IMMP2L: variants seen among roughly 807,000 people sequenced by gnomAD.
IMMP2L encodes the protein inner mitochondrial membrane peptidase subunit 2, also known as mitochondrial inner membrane protease subunit 2.
IMMP2L carries 18 observed loss-of-function variants against 19.3 expected under a neutral mutation model. The ratio of observed to expected loss-of-function variants is 0.93; its 90% confidence interval spans 0.64 to 1.38. The LOEUF (loss-of-function observed/expected upper bound fraction) is 1.38. Ranked by LOEUF, IMMP2L falls within the 40% of genes most tolerant of loss-of-function variation. The pLI is 0.00. For missense variants in IMMP2L, 233 were observed against 218.2 expected, an observed-to-expected ratio of 1.07 and a Z score of -0.43; for synonymous variants, 76 against 73.0, an observed-to-expected ratio of 1.04 and a Z score of -0.21.
At chr7:111,119,963 G>A (rs1343562942) in intron 3 of IMMP2L, among the ~76,000 whole-genome samples, 2 of 152,158 alleles carry the variant, frequency 1.3e-5, no homozygotes, top group East Asian at 3.9e-4. Flanking sequence ...TTCTTGAACT[G>A]AGGTTTGAAA....
intron 5 of IMMP2L, among the ~76,000 whole-genome samples, chr7:110,885,312 G>C (rs1398914974): frequency 2.0e-5 from 3 of 151,632 alleles, no homozygotes; most frequent in Non-Finnish European, 4.4e-5. Context: ...AAGAATTTTG[G>C]AGCATTTCAG....
At chr7:111,278,877 G>T (rs1489026924) in intron 3 of IMMP2L, among the ~76,000 whole-genome samples, 2 of 151,960 alleles carry the variant, frequency 1.3e-5, no homozygotes, top group East Asian at 3.9e-4. Context: ...CAACTTTTAA[G>T]ATATCTTGTT....
chr7:110,752,367 G>T (rs571117586), intron 5 of IMMP2L, among the ~76,000 whole-genome samples: 43 of 151,894 alleles, frequency 2.8e-4, no homozygotes, highest in Admixed American at 5.9e-4. Context: ...AATGATCATA[G>T]AATTTTTGGT....
intron 3 of IMMP2L, among the ~76,000 whole-genome samples, chr7:111,147,900 G>A (rs1803653415): frequency 6.6e-6 from 1 of 152,102 alleles, no homozygotes; most frequent in Non-Finnish European, 1.5e-5. Flanking sequence ...GCTAAGAACA[G>A]TGAGCTTTCT....
intron 4 of IMMP2L, chr7:110,962,583 A>C (rs1819068972): frequency 3.8e-6 from 1 of 261,016 alleles, no homozygotes; most frequent in Non-Finnish European, 6.0e-6. Flanking sequence ...AGAGAATGAG[A>C]GTGAAAAACG....
At chr7:111,146,712 AT>A (rs1803516561) in intron 3 of IMMP2L, among the ~76,000 whole-genome samples, 1 of 152,130 alleles carries the variant, frequency 6.6e-6, no homozygotes, top group Admixed American at 6.6e-5. Flanking sequence ...TGTTAAAAAA[AT>A]ATTTATTAAG....
intron 5 of IMMP2L, among the ~76,000 whole-genome samples, chr7:110,807,137 C>A (rs747610452): frequency 4.0e-5 from 6 of 151,892 alleles, no homozygotes; most frequent in Non-Finnish European, 7.4e-5. Context: ...TAGGTTAAAA[C>A]CTAATATGCT....
rs1465243160 is a variant in IMMP2L at position 110,949,597 on chromosome 7, T to C, written c.305+13903A>G. On this transcript the variant is annotated intron_variant, in intron 4 of 5. Coordinates refer to ENST00000405709, the MANE Select transcript of IMMP2L (RefSeq NM_032549.4). ...TAAACTTTTATTGGGAATTTATTTATTTTATGTGTTGCCTATGGTTGTTTT... is the reference window on the plus strand; with the variant it reads ...TAAACTTTTATTGGGAATTTATTTACTTTATGTGTTGCCTATGGTTGTTTT... Among the ~76,000 whole-genome samples, 4 of 152,320 alleles carry C rather than the reference T, an allele frequency of 2.6e-5. No homozygotes were observed. The East Asian group carries it at 7.7e-4, about 29-fold the overall frequency.
chr7:110,735,988 C>A (rs1489480815), intron 5 of IMMP2L, among the ~76,000 whole-genome samples: 1 of 151,990 alleles, frequency 6.6e-6, no homozygotes, highest in African/African-American at 2.4e-5. Context: ...GCCCAGGGCT[C>A]CTGTGTGAAA....
intron 3 of IMMP2L, among the ~76,000 whole-genome samples, chr7:111,073,658 A>C (rs1393019814): frequency 5.3e-5 from 8 of 152,142 alleles, no homozygotes; most frequent in Admixed American, 2.6e-4. Context: ...AACTTTGAGT[A>C]CATTTTTAGG....
Position 111,009,802 on chromosome 7 carries a change from G to A in IMMP2L, c.240-46237C>T, listed in dbSNP as rs1824731885. Among the ~76,000 whole-genome samples the A allele has an allele frequency of 2.0e-5, 3 of 152,226 alleles. No individual in the cohort carries two copies. In the East Asian group the frequency reaches 5.8e-4, roughly 29 times the overall value. On this transcript the variant is annotated intron_variant, in intron 3 of 5. Transcript: ENST00000405709. ...TTGGAAAATGGATTTTGGGTTCTCT[G>A]AGTAGAAGCTGAAAAATAAATGCTG... is the stretch of plus-strand genomic sequence containing the variant.
chr7:111,348,761 C>T (rs576788717), intron 3 of IMMP2L, among the ~76,000 whole-genome samples: 94 of 152,114 alleles, frequency 6.2e-4, no homozygotes, highest in African/African-American at 8.4e-4. Context: ...ATAGGTCCCT[C>T]GATGCTCTCC....
intron 3 of IMMP2L, among the ~76,000 whole-genome samples, chr7:111,234,717 A>G (rs1255507122): frequency 6.6e-6 from 1 of 151,962 alleles, no homozygotes; most frequent in African/African-American, 2.4e-5. Context: ...CTTATTAGCT[A>G]TAATTCTTTT....
intron 4 of IMMP2L, among the ~76,000 whole-genome samples, chr7:110,954,110 T>C (rs1818133858): frequency 6.6e-6 from 1 of 152,108 alleles, no homozygotes; most frequent in Admixed American, 6.6e-5. Flanking sequence ...AGACCTTTTC[T>C]TTTTATGTTT....
chr7:111,356,537 A>G (rs1828717559), intron 3 of IMMP2L, among the ~76,000 whole-genome samples: 1 of 152,150 alleles, frequency 6.6e-6, no homozygotes, highest in Admixed American at 6.6e-5. Context: ...TCACAGATAC[A>G]GAGGAATGAC....
intron 3 of IMMP2L, among the ~76,000 whole-genome samples, chr7:111,428,091 C>A (rs1836263983): frequency 6.6e-6 from 1 of 151,806 alleles, no homozygotes; most frequent in African/African-American, 2.4e-5. Context: ...GTCCTGTCAG[C>A]AGATTGAGTG....
chr7:111,403,259 C>G (rs1007445062), intron 3 of IMMP2L, among the ~76,000 whole-genome samples: 1 of 151,748 alleles, frequency 6.6e-6, no homozygotes, highest in Admixed American at 6.6e-5. Flanking sequence ...GGTCCTCCCC[C>G]CTCACTCTCT....
chr7:110,958,322 C>T (rs1818577037), intron 4 of IMMP2L, among the ~76,000 whole-genome samples: 1 of 152,036 alleles, frequency 6.6e-6, no homozygotes. Flanking sequence ...AATATTTCCA[C>T]TTTTAGCTAT....
chr7:111,522,414 C>T (rs943925819), intron 1 of IMMP2L, among the ~76,000 whole-genome samples: 1 of 152,024 alleles, frequency 6.6e-6, no homozygotes, highest in Non-Finnish European at 1.5e-5. Flanking sequence ...ATACTTCTGA[C>T]AAGAGGCTAA....
Sources: gnomAD v4.1 joint callset for allele counts (sites outside exome capture counted in the v4.1 genomes callset) on GRCh38, gnomAD v4.1.1 for gene constraint, MANE v1.5 for transcripts, NCBI Gene and HGNC (gene_info 2026-07-23, HGNC 2026-07-21) for gene names.